The following ZNF521 variants were observed in gnomAD, a reference collection of about 807,000 sequenced individuals.
The protein encoded by ZNF521 is LYST-interacting protein 3.
A neutral mutation model predicts 105.5 loss-of-function variants in ZNF521; 14 were observed. The observed-to-expected ratio is 0.13, with a 90% CI of 0.09 to 0.21. The LOEUF is 0.21. ZNF521 is among the 10% of genes least tolerant of loss of function. The pLI is 1.00. For missense variants in ZNF521, 1,233 were observed against 1,629.7 expected, an observed-to-expected ratio of 0.76 and a Z score of 4.19; for synonymous variants, 635 against 606.0, an observed-to-expected ratio of 1.05 and a Z score of -0.70.
chr18:25,303,271 C>CGTGTGTGTGT (rs756904913), intron 3 of ZNF521, among the ~76,000 whole-genome samples: 80 of 132,686 alleles, frequency 6.0e-4, no homozygotes, highest in African/African-American at 1.1e-3. Flanking sequence ...TTCTTTCTTT[C>CGTGTGTGTGT]GTGTGTGTGT....
At chr18:25,303,673 T>G (rs1449324748) in intron 3 of ZNF521, among the ~76,000 whole-genome samples, 2 of 152,174 alleles carry the variant, frequency 1.3e-5, no homozygotes, top group African/African-American at 4.8e-5. Flanking sequence ...GCTTGTGAAT[T>G]CATCCAAATG....
At chr18:25,096,432 G>A (rs974993116) in intron 5 of ZNF521, among the ~76,000 whole-genome samples, 1 of 152,174 alleles carries the variant, frequency 6.6e-6, no homozygotes, top group African/African-American at 2.4e-5. Flanking sequence ...CCATTTGGAT[G>A]CTCAAGCACA....
intron 2 of ZNF521, among the ~76,000 whole-genome samples, chr18:25,329,324 T>G (rs927125913): frequency 5.3e-5 from 8 of 152,140 alleles, no homozygotes; most frequent in Non-Finnish European, 1.2e-4. Flanking sequence ...CTGCATATGT[T>G]ATTTCATGAC....
At chr18:25,247,136 T>C (rs918264583) in intron 3 of ZNF521, among the ~76,000 whole-genome samples, 1 of 152,174 alleles carries the variant, frequency 6.6e-6, no homozygotes, top group Non-Finnish European at 1.5e-5. Flanking sequence ...GATACAAAGT[T>C]GACCAAGACA....
chr18:25,275,986 C>T (rs908352671), intron 3 of ZNF521, among the ~76,000 whole-genome samples: 2 of 152,108 alleles, frequency 1.3e-5, no homozygotes, highest in African/African-American at 2.4e-5. Context: ...AATCGGCCAC[C>T]GGCACCATGT....
intron 7 of ZNF521, among the ~76,000 whole-genome samples, chr18:25,073,639 A>C (rs1012568573): frequency 2.6e-5 from 4 of 152,224 alleles, no homozygotes; most frequent in African/African-American, 9.6e-5. Flanking sequence ...CTTTGTAGGA[A>C]GAAGGAGGGA....
intron 3 of ZNF521, among the ~76,000 whole-genome samples, chr18:25,229,538 A>C (rs200949276): frequency 1.6e-5 from 1 of 60,728 alleles, no homozygotes; most frequent in Non-Finnish European, 3.0e-5. Context: ...CTCAACATAC[A>C]AAAAAAAAAA....
chr18:25,339,541 A>G (rs1309134136), intron 2 of ZNF521, among the ~76,000 whole-genome samples: 1 of 152,228 alleles, frequency 6.6e-6, no homozygotes, highest in Non-Finnish European at 1.5e-5. Context: ...ACCAGGATAT[A>G]GACAATATGT....
intron 5 of ZNF521, among the ~76,000 whole-genome samples, chr18:25,153,081 A>G (rs1485580576): frequency 5.3e-5 from 8 of 152,192 alleles, no homozygotes; most frequent in Non-Finnish European, 7.3e-5. Context: ...TTTTAAATGT[A>G]TATTTTCTAA....
Position 25,312,546 on chromosome 18 carries a change from C to T in ZNF521, c.220+9462G>A, listed in dbSNP as rs1268035158. On this transcript the variant is annotated intron_variant, in intron 3 of 7. Coordinates refer to ENST00000361524, the MANE Select transcript of ZNF521 (RefSeq NM_015461.3). The stretch of plus-strand genomic sequence containing the variant: ...GTTGGAACCAGGCCGGGCGCGGTGG[C>T]TCACGCCTGTAATCCCAGCACTTTG... 1.4e-4 allele frequency among the ~76,000 whole-genome samples: 5 copies of T among 36,820 alleles called. 2 individuals are homozygous for T. Among genetic ancestry groups the T allele is most frequent in the African/African-American group, 5.0e-4 (5 of 9,916 alleles). 24.2% of individuals were successfully genotyped at this position (36,820 alleles called of 152,430 possible). A position where few individuals can be genotyped will look rare whatever the true frequency, so the allele number is the denominator to read the frequency against.
At chr18:25,189,548 G>T (rs911841255) in intron 5 of ZNF521, among the ~76,000 whole-genome samples, 7 of 152,234 alleles carry the variant, frequency 4.6e-5, no homozygotes, top group South Asian at 2.1e-4. Context: ...CAGGCCACAG[G>T]CTCCATCCTG....
intron 5 of ZNF521, among the ~76,000 whole-genome samples, chr18:25,098,470 C>T (rs2033899388): frequency 6.6e-6 from 1 of 151,052 alleles, no homozygotes; most frequent in African/African-American, 2.4e-5. Flanking sequence ...AAACTGCAAA[C>T]ACCAGTTTTG....
At chr18:25,259,932 C>T (rs1389596243) in intron 3 of ZNF521, among the ~76,000 whole-genome samples, 2 of 152,154 alleles carry the variant, frequency 1.3e-5, no homozygotes, top group Non-Finnish European at 2.9e-5. Flanking sequence ...AGAAAAAGTG[C>T]TTGGTCAGTT....
chr18:25,085,653 ATGTG>A (rs10569576), intron 7 of ZNF521, among the ~76,000 whole-genome samples: 4,779 of 144,060 alleles, frequency 0.033, 113 homozygotes, highest in African/African-American at 0.071. Context: ...CCATATATAT[ATGTG>A]TGTGTGTGTG....
chr18:25,288,333 T>C (rs1386716169), intron 3 of ZNF521, among the ~76,000 whole-genome samples: 1 of 152,178 alleles, frequency 6.6e-6, no homozygotes, highest in Admixed American at 6.5e-5. Flanking sequence ...CAAGCACCAC[T>C]GTACTACTGC....
At chr18:25,160,801 A>G (rs1357802432) in intron 5 of ZNF521, among the ~76,000 whole-genome samples, 4 of 152,038 alleles carry the variant, frequency 2.6e-5, no homozygotes, top group Non-Finnish European at 5.9e-5. Flanking sequence ...GAGGTTGACA[A>G]TTTTTAGGGG....
chr18:25,344,220 G>C (rs1195313956), intron 2 of ZNF521, among the ~76,000 whole-genome samples: 1 of 83,900 alleles, frequency 1.2e-5, no homozygotes, highest in African/African-American at 4.5e-5. Context: ...AAAAAAAAAA[G>C]CTGCGATTCT....
chr18:25,085,447 T>C (rs2033599862), intron 7 of ZNF521, among the ~76,000 whole-genome samples: 1 of 151,862 alleles, frequency 6.6e-6, no homozygotes, highest in African/African-American at 2.4e-5. Context: ...GACTTGTGGT[T>C]TGTGATATTC....
chr18:25,075,193 G>A (rs1451491645), intron 7 of ZNF521, among the ~76,000 whole-genome samples: 1 of 152,188 alleles, frequency 6.6e-6, no homozygotes, highest in Admixed American at 6.5e-5. Flanking sequence ...CTGCCATACA[G>A]AAGTGGCACT....
Sources: gnomAD v4.1 joint callset for allele counts (sites outside exome capture counted in the v4.1 genomes callset) on GRCh38, gnomAD v4.1.1 for gene constraint, MANE v1.5 for transcripts, NCBI Gene and HGNC (gene_info 2026-07-23, HGNC 2026-07-21) for gene names.